The following LAMA5 variants were observed in gnomAD, a reference collection of about 807,000 sequenced individuals.
LAMA5 encodes laminin subunit alpha 5.
In LAMA5, 260 loss-of-function variants were observed where a neutral mutation model predicts 433.4. That is an observed-to-expected ratio of 0.60 (90% confidence interval 0.54 to 0.66). The LOEUF is 0.66. Ranked by LOEUF, LAMA5 falls within the 30% of genes least tolerant of loss-of-function variation. LAMA5 has a pLI of 0.00. For synonymous variants in LAMA5, 2,620 were observed against 2,226.6 expected (o/e 1.18, Z -4.97); for missense variants, 5,378 against 5,258.5 (o/e 1.02, Z -0.70).
chr20:62,326,233 A>G (rs770697039), intron 40 of LAMA5, among the ~76,000 whole-genome samples: 2 of 56,298 alleles, frequency 3.6e-5, no homozygotes, highest in Admixed American at 2.4e-4. Context: ...ACAAACAAAC[A>G]AAAAAAAAAA....
intron 17 of LAMA5, 52 bp from the exon 18 acceptor site, chr20:62,336,497 A>G: frequency 6.7e-7 from 1 of 1,483,344 alleles, no homozygotes; most frequent in Non-Finnish European, 9.3e-7. Flanking sequence ...TCTCCCACCC[A>G]CAAACCATAG....
At chr20:62,360,930 G>A (rs986244867) in intron 2 of LAMA5, among the ~76,000 whole-genome samples, 7 of 152,056 alleles carry the variant, frequency 4.6e-5, no homozygotes, top group African/African-American at 1.5e-4. Flanking sequence ...TGTCAGTCCC[G>A]GCTTCCCTGC....
chr20:62,316,815 G>T lies in LAMA5; in HGVS notation c.7654-42C>A, dbSNP rs574032378. 1.9e-6 allele frequency: 3 copies of T among 1,560,072 alleles called. No homozygotes were observed. In the Admixed American group the frequency reaches 5.5e-5, roughly 29 times the overall value. ...AGACCGTGGCTCAGACACGCAGGCC[G>T]GGGCTGCGGGAGGTGCAGGCAGTGG... On this transcript the variant is annotated intron_variant, in intron 56 of 79. Coordinates refer to ENST00000252999, the MANE Select transcript of LAMA5 (RefSeq NM_005560.6).
rs1268274705 is a variant in LAMA5 at position 62,329,034 on chromosome 20, G to C, written c.4257C>G (p.Phe1419Leu). ...YHISPSSSSL[F>L]CRNAAASLSL... is the part of the protein sequence containing the mutation. Reference sequence around the variant, plus strand: ...AGAGGGAAGCAGCAGCGTTTCGGCAGAACAGGGATGAGCTGCTGGGGCTAC... The same window carrying C: ...AGAGGGAAGCAGCAGCGTTTCGGCACAACAGGGATGAGCTGCTGGGGCTAC... The change falls in exon 34 of 80, where the codon TTC becomes TTG. Residue 1419 changes from phenylalanine to leucine, a missense_variant. By Grantham distance (22) the Phe-to-Leu change is conservative (BLOSUM62 0). Coordinates refer to ENST00000252999, the MANE Select transcript of LAMA5 (RefSeq NM_005560.6). 6.2e-7 allele frequency: 1 copy of C among 1,612,748 alleles called. No individual in the cohort carries two copies. The highest frequency in any genetic ancestry group is 8.5e-7 in the Non-Finnish European group (1 of 1,179,908).
rs73313238 is a variant in LAMA5, at chr20:62,352,762, G to C, written c.568+372C>G. On this transcript the variant is annotated intron_variant, in intron 3 of 79. Coordinates refer to ENST00000252999, the MANE Select transcript of LAMA5 (RefSeq NM_005560.6). The stretch of plus-strand genomic sequence containing the variant: ...GTCAGGGTGGCACGGGGCCAGGGAC[G>C]GCCAGCATCCGGGCTAGGACTCCAG... Among the ~76,000 whole-genome samples, 470 of 152,260 alleles carry C rather than the reference G, an allele frequency of 3.1e-3. 2 individuals carry two copies. The highest frequency in any genetic ancestry group is 0.011 in the African/African-American group (449 of 41,552).
intron 18 of LAMA5, among the ~76,000 whole-genome samples, chr20:62,335,805 T>C (rs1981496379): frequency 1.7e-5 from 1 of 60,380 alleles, no homozygotes; most frequent in Non-Finnish European, 3.9e-5. Context: ...AGGAACCCCC[T>C]GCACCCCAAC....
chr20:62,362,923 G>A (rs78839200), intron 1 of LAMA5, among the ~76,000 whole-genome samples: 1 of 152,068 alleles, frequency 6.6e-6, no homozygotes. Flanking sequence ...AGCCCTGGGG[G>A]CAGGAAGAGT....
chr20:62,336,214 T>A (rs1046710635), intron 18 of LAMA5, 126 bp downstream of exon 18: 1 of 638,238 alleles, frequency 1.6e-6, no homozygotes, highest in Admixed American at 3.0e-5. Flanking sequence ...CACCACTCCC[T>A]CCAGGGCACA....
At position 62,352,336 on chromosome 20, in the gene LAMA5, C is replaced by T. The variant is rs373237521; in HGVS notation, c.593G>A (p.Arg198Gln). Reference protein sequence around the residue: ...FASSKRDCLERFGPQTLERIT... With the variant: ...FASSKRDCLEQFGPQTLERIT... ...GCGCTCCAGCGTCTGTGGCCCGAAC[C>T]GCTCCAGACAGTCCCTCTTGGAGGC... Residue 198 changes from arginine to glutamine, a missense_variant, in exon 4 of 80, where the codon CGG (arginine) becomes CAG (glutamine). Transcript: ENST00000252999. 56 of 1,599,262 alleles carry T rather than the reference C, an allele frequency of 3.5e-5. No homozygotes were observed. The highest frequency in any genetic ancestry group is 3.8e-5 in the Non-Finnish European group (45 of 1,179,650).
Position 62,319,737 on chromosome 20 carries a change from C to T in LAMA5, c.6818G>A (p.Gly2273Asp), listed in dbSNP as rs1404330198. 1 of 1,549,224 alleles carries T rather than the reference C, an allele frequency of 6.5e-7. No individual in the cohort carries two copies. Among genetic ancestry groups the T allele is most frequent in the Non-Finnish European group, 8.7e-7 (1 of 1,147,620 alleles). Residue 2273 changes from glycine to aspartate, a missense_variant, in exon 51 of 80, where the codon GGC becomes GAC. Gly to Asp is a moderately conservative substitution (Grantham distance 94). Transcript: ENST00000252999. Reference protein sequence around the residue: ...QLLAGTEATLGHAKTLLAAIR... With the variant: ...QLLAGTEATLDHAKTLLAAIR... ...GGCCGCCAACAGCGTCTTCGCATGG[C>T]CCAGTGTGGCCTCGGTGCCGGCCAG... is the stretch of plus-strand genomic sequence containing the variant.
chr20:62,328,279 G>C lies in LAMA5; in HGVS notation c.4614C>G (p.Leu1538=). 1 of 1,608,616 alleles carries C rather than the reference G, an allele frequency of 6.2e-7. No homozygotes were observed. The highest frequency in any genetic ancestry group is 8.5e-7 in the Non-Finnish European group (1 of 1,178,282). ...CNCSGPGIQE[L]TDPTCDTDSG... ...TGTCTGTGTCACAGGTAGGGTCTGT[G>C]AGCTCCTGGATGCCGGGCCCTGAGC... The change falls in exon 35 of 80, where the codon CTC becomes CTG. Residue 1538 remains leucine, a synonymous_variant. Coordinates refer to ENST00000252999, the MANE Select transcript of LAMA5 (RefSeq NM_005560.6).
chr20:62,338,493 T>C lies in LAMA5; in HGVS notation c.1593A>G (p.Pro531=). 6.2e-7 allele frequency: 1 copy of C among 1,609,178 alleles called. No homozygotes were observed. The highest frequency in any genetic ancestry group is 8.5e-7 in the Non-Finnish European group (1 of 1,178,726). Residue 531 remains proline (P), a synonymous_variant, in exon 12 of 80, where the codon CCA becomes CCG. Coordinates refer to ENST00000252999, the MANE Select transcript of LAMA5 (RefSeq NM_005560.6). ...GCTGGCAGCCGGGGCCGTAGAACCCTGGCGCGCAGAGCTCACAATGGGTGC... is the reference window on the plus strand; with the variant it reads ...GCTGGCAGCCGGGGCCGTAGAACCCCGGCGCGCAGAGCTCACAATGGGTGC... ...FQGTHCELCA[P]GFYGPGCQPC...
chr20:62,319,818 C>T (rs1275364154), intron 50 of LAMA5, 23 bp from the exon 51 acceptor site: 1 of 1,520,876 alleles, frequency 6.6e-7, no homozygotes, highest in Non-Finnish European at 8.9e-7. Flanking sequence ...AGCCCACTAG[C>T]CCACGCTGCT....
In LAMA5 at chr20:62,313,703, G is replaced by A. The variant is rs757057418; in HGVS notation, c.8604C>T (p.Asn2868=). Residue 2868 remains asparagine, a synonymous_variant, in exon 63 of 80, where the codon AAC becomes AAT. Coordinates refer to ENST00000252999, the MANE Select transcript of LAMA5 (RefSeq NM_005560.6). ...AGAAGACGAAGTCGTCTGGCCGCAG[G>A]TTGAGCAGCCCCTCTGCCCCAGGGG... The part of the protein sequence containing the change: ...TVAPGAEGLL[N]LRPDDFVFYV... 14 of 1,612,896 alleles carry A rather than the reference G, an allele frequency of 8.7e-6. No individual in the cohort carries two copies. In the East Asian group the frequency reaches 1.1e-4, roughly 13 times the overall value.
intron 17 of LAMA5, 123 bp downstream of exon 17, chr20:62,336,611 A>G (rs1483572959): frequency 7.9e-7 from 1 of 1,261,520 alleles, no homozygotes; most frequent in Non-Finnish European, 1.1e-6. Flanking sequence ...AGGAGCAGAC[A>G]GGCCCTGGGG....
Position 62,311,457 on chromosome 20 carries a change from G to A in LAMA5, c.9886C>T (p.Leu3296=), listed in dbSNP as rs1039913823. 2 of 1,606,128 alleles carry A rather than the reference G, an allele frequency of 1.2e-6. No individual in the cohort carries two copies. The highest frequency in any genetic ancestry group is 1.7e-6 in the Non-Finnish European group (2 of 1,176,782). Reference sequence around the variant, plus strand: ...CCCAGGCCCGGGGTCTGGGCTTGCAGGGCGGGTGCACAGCCCGTGCTCACA... The same window carrying A: ...CCCAGGCCCGGGGTCTGGGCTTGCAAGGCGGGTGCACAGCCCGTGCTCACA... ...VNVSTGCAPA[L]QAQTPGLGPR... The change falls in exon 72 of 80, where the codon CTG becomes TTG. Residue 3296 remains leucine, a synonymous_variant. Coordinates refer to ENST00000252999, the MANE Select transcript of LAMA5 (RefSeq NM_005560.6).
At chr20:62,320,057 G>A (rs149644733) in intron 50 of LAMA5, among the ~76,000 whole-genome samples, 32 of 152,182 alleles carry the variant, frequency 2.1e-4, no homozygotes, top group Admixed American at 6.5e-4. Context: ...AGTGGCTCAC[G>A]TCTGTAATCC....
chr20:62,336,510 C>A, intron 17 of LAMA5, 65 bp from the exon 18 acceptor site: 3 of 1,412,622 alleles, frequency 2.1e-6, no homozygotes, highest in Admixed American at 1.8e-5. Context: ...AACCATAGAG[C>A]CATAGAGCCC....
rs147713272 is a variant in LAMA5, at chr20:62,362,293, G to A, written c.450+107C>T. On this transcript the variant is annotated intron_variant, in intron 2 of 79. Coordinates refer to ENST00000252999, the MANE Select transcript of LAMA5 (RefSeq NM_005560.6). ...TCGTGTCCAGCCTCCCAGGCCCCAG[G>A]TCTCGCTCACGGTGGAGACCTCGCC... The A allele has an allele frequency of 3.2e-4, 366 of 1,156,864 alleles. 2 individuals are homozygous for A. In the African/African-American group the frequency reaches 5.1e-3, roughly 16 times the overall value. The allele number at this position is 1,156,864 out of a possible 1,614,324, so 71.7% of individuals were successfully genotyped here.
Sources: gnomAD v4.1 joint callset for allele counts (sites outside exome capture counted in the v4.1 genomes callset) on GRCh38, gnomAD v4.1.1 for gene constraint, MANE v1.5 for transcripts, NCBI Gene and HGNC (gene_info 2026-07-23, HGNC 2026-07-21) for gene names.